Variants in ADTRP observed in about 807,000 individuals in gnomAD.
ADTRP encodes the protein androgen-dependent TFPI-regulating protein.
In ADTRP, 20 loss-of-function variants were observed where a neutral mutation model predicts 27.0. That is an observed-to-expected ratio of 0.74 (90% CI 0.52 to 1.08). ADTRP has a LOEUF of 1.08. ADTRP is among the 50% of genes least tolerant of loss of function. ADTRP has a pLI of 0.00. For synonymous variants in ADTRP, 101 were observed against 105.2 expected, an observed-to-expected ratio of 0.96 and a Z score of 0.25; for missense variants, 251 against 275.0, an observed-to-expected ratio of 0.91 and a Z score of 0.62.
chr6:11,721,315 G>C (rs1762018347), intron 5 of ADTRP, among the ~76,000 whole-genome samples: 1 of 152,196 alleles, frequency 6.6e-6, no homozygotes, highest in African/African-American at 2.4e-5. Context: ...AAGAGCAAAA[G>C]CCAAAGCAGG....
chr6:11,735,935 T>C, intron 3 of ADTRP: 2 of 335,412 alleles, frequency 6.0e-6, no homozygotes, highest in Non-Finnish European at 1.1e-5. Flanking sequence ...TATTGCCCAC[T>C]GCTCCCCTCT....
chr6:11,761,491 G>C (rs988554854), intron 3 of ADTRP, among the ~76,000 whole-genome samples: 3 of 151,934 alleles, frequency 2.0e-5, no homozygotes, highest in African/African-American at 4.8e-5. Flanking sequence ...ATACATCTTA[G>C]CTATATTGCA....
chr6:11,719,472 T>C (rs1761942037), intron 5 of ADTRP, among the ~76,000 whole-genome samples: 1 of 152,252 alleles, frequency 6.6e-6, no homozygotes, highest in Non-Finnish European at 1.5e-5. Flanking sequence ...GATATGGATC[T>C]AATTGGTCTA....
chr6:11,721,068 C>A (rs9394270), intron 5 of ADTRP, among the ~76,000 whole-genome samples: 113,163 of 152,088 alleles, frequency 0.74, 42,441 homozygotes, highest in East Asian at 0.92. Context: ...GTAGTAAAAC[C>A]GCAGTCATGA....
At chr6:11,775,705 TCTGTCTC>T (rs1264573470) in intron 1 of ADTRP, among the ~76,000 whole-genome samples, 1 of 152,150 alleles carries the variant, frequency 6.6e-6, no homozygotes, top group African/African-American at 2.4e-5. Flanking sequence ...GCAACTCGTG[TCTGTCTC>T]CTGTCTCCTG....
chr6:11,732,964 C>T (rs1239107800), intron 4 of ADTRP, among the ~76,000 whole-genome samples: 1 of 152,202 alleles, frequency 6.6e-6, no homozygotes, highest in Non-Finnish European at 1.5e-5. Context: ...GGAAAGACAA[C>T]TGGATTTGGA....
At chr6:11,760,306 C>T (rs1763356390) in intron 3 of ADTRP, among the ~76,000 whole-genome samples, 1 of 152,138 alleles carries the variant, frequency 6.6e-6, no homozygotes, top group African/African-American at 2.4e-5. Context: ...TACGAAATTG[C>T]CAAGTCCAGT....
chr6:11,750,839 T>C (rs538636646), intron 3 of ADTRP, among the ~76,000 whole-genome samples: 252 of 152,310 alleles, frequency 1.7e-3, no homozygotes, highest in African/African-American at 5.5e-3. Flanking sequence ...CCCCAATCTA[T>C]GTTATTTAAT....
chr6:11,771,558 C>T (rs572717398), intron 1 of ADTRP, among the ~76,000 whole-genome samples: 41 of 152,260 alleles, frequency 2.7e-4, no homozygotes, highest in South Asian at 2.1e-3. Context: ...TCTCCAAAGA[C>T]GATGCAATGT....
intron 3 of ADTRP, among the ~76,000 whole-genome samples, chr6:11,743,958 G>A (rs1762791961): frequency 6.6e-6 from 1 of 152,192 alleles, no homozygotes; most frequent in Non-Finnish European, 1.5e-5. Context: ...GGTGTTGGGA[G>A]TCAATACACT....
At chr6:11,720,126 C>T (rs1273857432) in intron 5 of ADTRP, among the ~76,000 whole-genome samples, 1 of 152,184 alleles carries the variant, frequency 6.6e-6, no homozygotes, top group Non-Finnish European at 1.5e-5. Context: ...CCGACTGCCT[C>T]CCTAAAGCAT....
chr6:11,726,677 G>A (rs114332625), intron 4 of ADTRP, among the ~76,000 whole-genome samples: 1,835 of 152,254 alleles, frequency 0.012, 34 homozygotes, highest in African/African-American at 0.042. Flanking sequence ...ATTGTTTAAC[G>A]GGTAGACTTT....
chr6:11,755,376 G>T (rs975107489), intron 3 of ADTRP, among the ~76,000 whole-genome samples: 3 of 152,038 alleles, frequency 2.0e-5, no homozygotes, highest in African/African-American at 7.2e-5. Context: ...TCTTTGAATT[G>T]GGATTAAAAG....
At chr6:11,750,713 T>C (rs896156208) in intron 3 of ADTRP, among the ~76,000 whole-genome samples, 3 of 152,196 alleles carry the variant, frequency 2.0e-5, no homozygotes, top group Admixed American at 2.0e-4. Flanking sequence ...ATGAACAAAA[T>C]GAATTCTTTA....
chr6:11,735,873 G>A, intron 3 of ADTRP, 190 bp from the exon 4 acceptor site: 1 of 539,282 alleles, frequency 1.9e-6, no homozygotes, highest in Non-Finnish European at 3.3e-6. Flanking sequence ...AAACTCCTCT[G>A]TCTGGCTACC....
intron 5 of ADTRP, among the ~76,000 whole-genome samples, chr6:11,722,784 C>T (rs1024863304): frequency 2.0e-5 from 3 of 152,148 alleles, no homozygotes; most frequent in Non-Finnish European, 2.9e-5. Flanking sequence ...GACATATTCT[C>T]ATTGCTGAAG....
chr6:11,729,385 A>G (rs1371834254), intron 4 of ADTRP, among the ~76,000 whole-genome samples: 2 of 151,858 alleles, frequency 1.3e-5, no homozygotes, highest in Non-Finnish European at 2.9e-5. Context: ...TCCCTGAGAC[A>G]CCCCCTTCCA....
intron 3 of ADTRP, among the ~76,000 whole-genome samples, chr6:11,737,869 G>A (rs1281720019): frequency 2.0e-5 from 3 of 152,238 alleles, no homozygotes; most frequent in Middle Eastern, 3.4e-3. Flanking sequence ...GGCCCCCGTC[G>A]CACCTTGCAT....
intron 5 of ADTRP, among the ~76,000 whole-genome samples, chr6:11,718,194 T>C (rs1291052721): frequency 1.3e-5 from 2 of 152,344 alleles, no homozygotes; most frequent in South Asian, 2.1e-4. Context: ...GAAGGACCTA[T>C]GGTCTTAGGG....
Sources: allele counts gnomAD v4.1 joint callset (sites outside exome capture counted in the v4.1 genomes callset), GRCh38; gene constraint gnomAD v4.1.1; transcripts MANE v1.5; gene names NCBI Gene and HGNC (gene_info 2026-07-23, HGNC 2026-07-21).